The following NRG1 variants were observed in gnomAD, a reference collection of about 807,000 sequenced individuals.
NRG1 encodes the protein neuregulin 1.
In NRG1, 18 loss-of-function variants were observed where a neutral mutation model predicts 63.8. The observed-to-expected ratio is 0.28, with a 90% CI of 0.19 to 0.42. The LOEUF is 0.42. Ranked by LOEUF, NRG1 falls within the 10% of genes least tolerant of loss-of-function variation. NRG1 has a pLI of 1.00. For missense variants in NRG1, 762 were observed against 814.7 expected (o/e 0.94, Z 0.79); for synonymous variants, 302 against 301.3 (o/e 1.00, Z -0.02).
intron 1 of NRG1, among the ~76,000 whole-genome samples, chr8:32,367,479 C>T (rs1481805410): frequency 6.6e-6 from 1 of 151,818 alleles, no homozygotes; most frequent in Admixed American, 6.6e-5. Context: ...TTCCTTTGCC[C>T]TCTTTTTAGT....
chr8:32,549,531 A>G (rs1044579730), intron 1 of NRG1, among the ~76,000 whole-genome samples: 1 of 152,152 alleles, frequency 6.6e-6, no homozygotes, highest in African/African-American at 2.4e-5. Context: ...TAACAGTTCT[A>G]TTTTTCAAGA....
At chr8:32,208,318 T>A (rs1300815440) in intron 1 of NRG1, among the ~76,000 whole-genome samples, 1 of 151,838 alleles carries the variant, frequency 6.6e-6, no homozygotes, top group Non-Finnish European at 1.5e-5. Context: ...AGGTTTGCTC[T>A]TGTTGTCCAG....
intron 5 of NRG1, chr8:32,648,200 G>A (rs751382559): frequency 5.6e-6 from 9 of 1,613,916 alleles, no homozygotes; most frequent in South Asian, 1.1e-5. Context: ...AAGGTGACAA[G>A]GCTGTTGTCT....
intron 1 of NRG1, among the ~76,000 whole-genome samples, chr8:32,184,243 T>G (rs1248770182): frequency 3.9e-5 from 6 of 152,130 alleles, no homozygotes; most frequent in African/African-American, 1.4e-4. Flanking sequence ...AAGATAGAAA[T>G]AGCATATGAG....
intron 1 of NRG1, among the ~76,000 whole-genome samples, chr8:32,280,016 A>T (rs1852529773): frequency 6.6e-6 from 1 of 152,248 alleles, no homozygotes; most frequent in Non-Finnish European, 1.5e-5. Context: ...GAGGCTAGGA[A>T]CCAAGTCAAT....
At position 32,323,159 on chromosome 8, in the gene NRG1, A is replaced by G. The variant is rs149323984; in HGVS notation, c.38-272669A>G. Among the ~76,000 whole-genome samples the G allele has an allele frequency of 4.7e-4, 72 of 152,116 alleles. 2 individuals are homozygous for G. The highest frequency in any genetic ancestry group is 1.7e-3 in the African/African-American group (72 of 41,524). ...CACCTCTGATTCCTATGTAAAGAAG[A>G]TTCCTCCTCCCTTCCCTCATTCATT... On this transcript the variant is annotated intron_variant, in intron 1 of 10. Transcript: ENST00000519301.
intron 1 of NRG1, among the ~76,000 whole-genome samples, chr8:32,461,476 A>T (rs1822301803): frequency 6.6e-6 from 1 of 152,140 alleles, no homozygotes; most frequent in Non-Finnish European, 1.5e-5. Context: ...AGGTGAGTGG[A>T]TCACTTGAAG....
chr8:32,743,597 A>ATATATATATAT (rs1335040311), intron 7 of NRG1, among the ~76,000 whole-genome samples: 2,082 of 36,656 alleles, frequency 0.057, 36 homozygotes, highest in African/African-American at 0.12. Flanking sequence ...TATATATATA[A>ATATATATATAT]AACTTAATAA....
chr8:32,362,448 T>C (rs1040512609), intron 1 of NRG1, among the ~76,000 whole-genome samples: 4 of 152,256 alleles, frequency 2.6e-5, no homozygotes, highest in Admixed American at 6.5e-5. Flanking sequence ...CTTGTTACTT[T>C]ATTTTTCTAA....
chr8:31,697,763 ACT>A (rs1810224578), intron 1 of NRG1, among the ~76,000 whole-genome samples: 1 of 152,178 alleles, frequency 6.6e-6, no homozygotes, highest in African/African-American at 2.4e-5. Flanking sequence ...ACAGTACCTA[ACT>A]CTGTCCCTTC....
chr8:32,276,948 G>A lies in NRG1; in HGVS notation c.38-318880G>A, dbSNP rs572678752. 2.6e-5 allele frequency among the ~76,000 whole-genome samples: 4 copies of A among 152,290 alleles called. No homozygotes were observed. The South Asian group carries it at 8.3e-4, about 32-fold the overall frequency. On this transcript the variant is annotated intron_variant, in intron 1 of 10. Transcript: ENST00000519301. The stretch of plus-strand genomic sequence containing the variant: ...TGAGGATCAGCTCTGCTGCCCACGT[G>A]GAAACATAAGTAAGGTTGTTACCTG...
At chr8:31,979,583 T>G (rs1176561945) in intron 1 of NRG1, among the ~76,000 whole-genome samples, 1 of 152,066 alleles carries the variant, frequency 6.6e-6, no homozygotes. Context: ...AGTGGTTTCT[T>G]TGATATCATT....
intron 1 of NRG1, among the ~76,000 whole-genome samples, chr8:32,045,163 T>A (rs1467177061): frequency 1.3e-5 from 2 of 151,860 alleles, no homozygotes; most frequent in Non-Finnish European, 2.9e-5. Flanking sequence ...ATAAGAAGGT[T>A]ATGTGTTTAT....
intron 5 of NRG1, among the ~76,000 whole-genome samples, chr8:32,635,558 AAGTT>A (rs1209179685): frequency 6.6e-6 from 1 of 151,818 alleles, no homozygotes; most frequent in Non-Finnish European, 1.5e-5. Context: ...TTTTGACAGT[AAGTT>A]AGTTATTTTT....
intron 1 of NRG1, among the ~76,000 whole-genome samples, chr8:32,010,369 A>G (rs1183792283): frequency 6.6e-6 from 1 of 152,052 alleles, no homozygotes; most frequent in Non-Finnish European, 1.5e-5. Context: ...TAGATTTACA[A>G]TATATCTTTC....
At chr8:31,885,594 A>G (rs549906022) in intron 1 of NRG1, among the ~76,000 whole-genome samples, 1 of 152,252 alleles carries the variant, frequency 6.6e-6, no homozygotes, top group Non-Finnish European at 1.5e-5. Context: ...TGGCACTCTC[A>G]TCACATATAT....
chr8:31,861,392 AATCT>A (rs1196668771), intron 1 of NRG1, among the ~76,000 whole-genome samples: 2 of 152,180 alleles, frequency 1.3e-5, no homozygotes, highest in Non-Finnish European at 2.9e-5. Flanking sequence ...CAGTGTTCAA[AATCT>A]ATTACTGTTT....
chr8:31,864,581 A>G (rs1210076749), intron 1 of NRG1, among the ~76,000 whole-genome samples: 1 of 152,148 alleles, frequency 6.6e-6, no homozygotes, highest in Non-Finnish European at 1.5e-5. Flanking sequence ...TGAAAGGCGG[A>G]AAGTGCAGGA....
intron 1 of NRG1, among the ~76,000 whole-genome samples, chr8:32,027,629 C>A (rs1378258072): frequency 6.6e-6 from 1 of 152,006 alleles, no homozygotes; most frequent in African/African-American, 2.4e-5. Flanking sequence ...GTTTTCTTTA[C>A]TTAATATACA....
Sources: gnomAD v4.1 joint callset for allele counts (sites outside exome capture counted in the v4.1 genomes callset) on GRCh38, gnomAD v4.1.1 for gene constraint, MANE v1.5 for transcripts, NCBI Gene and HGNC (gene_info 2026-07-23, HGNC 2026-07-21) for gene names.